Variants in PPP1R16B observed in about 807,000 individuals in gnomAD.
The protein encoded by PPP1R16B is protein phosphatase 1 regulatory inhibitor subunit 16B.
In PPP1R16B, 14 loss-of-function variants were observed where a neutral mutation model predicts 61.7. That is an observed-to-expected ratio of 0.23 (90% confidence interval 0.15 to 0.35). The LOEUF (loss-of-function observed/expected upper bound fraction) is 0.35. PPP1R16B is among the 10% of genes least tolerant of loss of function. The pLI is 1.00. For missense variants in PPP1R16B, 547 were observed against 752.5 expected, an observed-to-expected ratio of 0.73 and a Z score of 3.19; for synonymous variants, 266 against 305.3, an observed-to-expected ratio of 0.87 and a Z score of 1.34.
chr20:38,911,534 C>CT (rs753313466), intron 10 of PPP1R16B, among the ~76,000 whole-genome samples: 1,856 of 142,448 alleles, frequency 0.013, 31 homozygotes, highest in African/African-American at 0.043. Context: ...ATCCATGCTC[C>CT]TTTTTTTTTT....
In PPP1R16B at chr20:38,881,339, G is replaced by C. The variant is rs1043767181; in HGVS notation, c.251-8256G>C. Among the ~76,000 whole-genome samples, 3 of 152,264 alleles carry C rather than the reference G, an allele frequency of 2.0e-5. No homozygotes were observed. In the South Asian group the frequency reaches 6.2e-4, roughly 31 times the overall value. ...GTGATTTTTGGAAGCGCAGTGCCTTGGGGGCACAGGACAGCTTTGACTTGG... is the reference window on the plus strand; with the variant it reads ...GTGATTTTTGGAAGCGCAGTGCCTTCGGGGCACAGGACAGCTTTGACTTGG... On this transcript the variant is annotated intron_variant, in intron 2 of 10. Transcript: ENST00000299824.
At chr20:38,815,490 T>C (rs68089660) in intron 1 of PPP1R16B, among the ~76,000 whole-genome samples, 17,010 of 152,268 alleles carry the variant, frequency 0.11, 964 homozygotes, top group African/African-American at 0.12. Flanking sequence ...TTGAACAGTG[T>C]ATATATCTTT....
Position 38,916,769 on chromosome 20 carries a change from A to G in PPP1R16B, c.1195-1388A>G, listed in dbSNP as rs190449311. On this transcript the variant is annotated intron_variant, in intron 10 of 10. Transcript: ENST00000299824. ...ACTGTCCATCAAAGAGACTGTAGCA[A>G]TTTACATTCTCACTTATTTCCCCAT... Among the ~76,000 whole-genome samples the G allele has an allele frequency of 4.2e-4, 64 of 152,276 alleles. No individual in the cohort carries two copies. The East Asian group carries it at 0.011, about 26-fold the overall frequency.
chr20:38,863,631 T>A (rs2085070081), intron 2 of PPP1R16B, among the ~76,000 whole-genome samples: 1 of 152,216 alleles, frequency 6.6e-6, no homozygotes. Context: ...GTTTTTCATC[T>A]GAACAGTGAC....
chr20:38,827,262 C>T lies in PPP1R16B; in HGVS notation c.-101-8563C>T, dbSNP rs930822173. Reference sequence around the variant, plus strand: ...CTTTTTTGTTGCCTTTTGTTAACACCTGGTCTGCTCCCAATATGGCCCAGC... The same window carrying T: ...CTTTTTTGTTGCCTTTTGTTAACACTTGGTCTGCTCCCAATATGGCCCAGC... On this transcript the variant is annotated intron_variant, in intron 1 of 10. Coordinates refer to ENST00000299824, the MANE Select transcript of PPP1R16B (RefSeq NM_015568.4). 3.9e-5 allele frequency among the ~76,000 whole-genome samples: 6 copies of T among 152,208 alleles called. No homozygotes were observed. In the East Asian group the frequency reaches 1.2e-3, roughly 29 times the overall value.
At chr20:38,885,636 G>A (rs1328786569) in intron 2 of PPP1R16B, among the ~76,000 whole-genome samples, 1 of 152,186 alleles carries the variant, frequency 6.6e-6, no homozygotes, top group African/African-American at 2.4e-5. Flanking sequence ...GGCCACATGT[G>A]ACTAAGCTAC....
intron 2 of PPP1R16B, among the ~76,000 whole-genome samples, chr20:38,885,036 C>CAAAAAA (rs71330453): frequency 8.9e-5 from 6 of 67,788 alleles, no homozygotes; most frequent in Non-Finnish European, 1.3e-4. Context: ...AACTCTGTCT[C>CAAAAAA]AAAAAAAAAA....
In PPP1R16B at chr20:38,806,546, G is replaced by A. The variant is rs1277714884; in HGVS notation, c.-102+754G>A. Among the ~76,000 whole-genome samples the A allele has an allele frequency of 1.3e-5, 2 of 152,108 alleles. No individual in the cohort carries two copies. Among genetic ancestry groups the A allele is most frequent in the Non-Finnish European group, 2.9e-5 (2 of 67,994 alleles). On this transcript the variant is annotated intron_variant, in intron 1 of 10. Coordinates refer to ENST00000299824, the MANE Select transcript of PPP1R16B (RefSeq NM_015568.4). The surrounding 1 kb of genome is among the most constrained non-coding windows in gnomAD (Gnocchi z 4.5). ...GCCCAGAGGAGCGCCCCCGGGCGCC[G>A]AGGATGGGCGGAGACGTGCAGCCGC...
At chr20:38,912,160 C>T (rs975284796) in intron 10 of PPP1R16B, among the ~76,000 whole-genome samples, 11 of 146,674 alleles carry the variant, frequency 7.5e-5, no homozygotes, top group East Asian at 2.0e-4. Context: ...AGTGCAATGG[C>T]GCCATCTCGG....
chr20:38,883,525 C>T (rs2085218726), intron 2 of PPP1R16B, among the ~76,000 whole-genome samples: 1 of 152,190 alleles, frequency 6.6e-6, no homozygotes, highest in African/African-American at 2.4e-5. Flanking sequence ...GGGGTCGGCG[C>T]CAGGAGCAGG....
chr20:38,897,902 T>C (rs1219417019), intron 4 of PPP1R16B, among the ~76,000 whole-genome samples: 1 of 152,272 alleles, frequency 6.6e-6, no homozygotes, highest in Admixed American at 6.5e-5. Context: ...ATGTCTTCTT[T>C]GGAGAAATGT....
chr20:38,848,228 T>C (rs1033216332), intron 2 of PPP1R16B, among the ~76,000 whole-genome samples: 1 of 152,202 alleles, frequency 6.6e-6, no homozygotes, highest in Non-Finnish European at 1.5e-5. Flanking sequence ...TAAACCTATG[T>C]TTTCTTCTAG....
At chr20:38,855,978 A>AGGAGGAGGAGGAGGAG (rs1555804346) in intron 2 of PPP1R16B, among the ~76,000 whole-genome samples, 1,046 of 29,622 alleles carry the variant, frequency 0.035, 140 homozygotes, top group East Asian at 0.054. Flanking sequence ...AGAGAGAGAG[A>AGGAGGAGGAGGAGGAG]GAGAAGGAGG....
chr20:38,917,896 T>G (rs1199407355), intron 10 of PPP1R16B, among the ~76,000 whole-genome samples: 2 of 152,202 alleles, frequency 1.3e-5, no homozygotes, highest in Non-Finnish European at 2.9e-5. Flanking sequence ...AACTCATCCC[T>G]GGGCCAATCC....
intron 2 of PPP1R16B, among the ~76,000 whole-genome samples, chr20:38,839,885 T>G (rs2145722548): frequency 6.6e-6 from 1 of 152,384 alleles, no homozygotes; most frequent in African/African-American, 2.4e-5. Context: ...TTTATTTCCA[T>G]GTGCAAATGT....
At chr20:38,878,341 T>A (rs1233379802) in intron 2 of PPP1R16B, among the ~76,000 whole-genome samples, 1 of 152,054 alleles carries the variant, frequency 6.6e-6, no homozygotes, top group East Asian at 1.9e-4. Flanking sequence ...GGGGAGGTAG[T>A]TTTGGGACAG....
intron 1 of PPP1R16B, among the ~76,000 whole-genome samples, chr20:38,832,248 G>A (rs2084842060): frequency 6.6e-6 from 1 of 152,110 alleles, no homozygotes; most frequent in Admixed American, 6.6e-5. Flanking sequence ...TAGGTTACTG[G>A]GATAATTAAA....
At chr20:38,855,153 C>T (rs2084995825) in intron 2 of PPP1R16B, among the ~76,000 whole-genome samples, 1 of 152,070 alleles carries the variant, frequency 6.6e-6, no homozygotes, top group African/African-American at 2.4e-5. Context: ...CTTCTGAGAC[C>T]ATAGACCTCA....
At position 38,806,209 on chromosome 20, in the gene PPP1R16B, C is replaced by A. The variant is rs77246074; in HGVS notation, c.-102+417C>A. 0.026 allele frequency among the ~76,000 whole-genome samples: 4,010 copies of A among 152,216 alleles called. 95 individuals carry two copies. The highest frequency in any genetic ancestry group is 0.073 in the Admixed American group (1,115 of 15,308). On this transcript the variant is annotated intron_variant, in intron 1 of 10. Transcript: ENST00000299824. The surrounding 1 kb of genome is among the most constrained non-coding windows in gnomAD (Gnocchi z 4.5). The stretch of plus-strand genomic sequence containing the variant: ...CACAGCGGACACCAAACAACCCCCC[C>A]CCGCGCACTCTCCCGGCCGGGCATG...
Sources: allele counts gnomAD v4.1 joint callset (sites outside exome capture counted in the v4.1 genomes callset), GRCh38; gene constraint gnomAD v4.1.1; non-coding constraint Gnocchi (gnomAD v3.1); transcripts MANE v1.5; gene names NCBI Gene and HGNC (gene_info 2026-07-23, HGNC 2026-07-21).